Variants in SEMA5A observed in about 807,000 individuals in gnomAD.
SEMA5A encodes the protein semaphorin 5A, also known as semaphorin-5A.
In SEMA5A, 55 loss-of-function variants were observed where a neutral mutation model predicts 135.5. The ratio of observed to expected loss-of-function variants is 0.41; its 90% confidence interval spans 0.33 to 0.51. SEMA5A has a LOEUF of 0.51. SEMA5A is among the 20% of genes least tolerant of loss of function. SEMA5A has a pLI of 0.37. For missense variants in SEMA5A, 1,290 were observed against 1,419.9 expected, an observed-to-expected ratio of 0.91 and a Z score of 1.47; for synonymous variants, 580 against 546.5, an observed-to-expected ratio of 1.06 and a Z score of -0.85.
chr5:9,171,662 T>G (rs1476176960), intron 11 of SEMA5A, among the ~76,000 whole-genome samples: 2 of 152,134 alleles, frequency 1.3e-5, no homozygotes, highest in Non-Finnish European at 1.5e-5. Context: ...AGGAAAATCA[T>G]GAGTCTTAAC....
intron 16 of SEMA5A, among the ~76,000 whole-genome samples, chr5:9,086,408 G>C (rs1397367181): frequency 6.6e-6 from 1 of 152,034 alleles, no homozygotes; most frequent in Non-Finnish European, 1.5e-5. Context: ...TTTTTCCTGT[G>C]CTGTTCTCAT....
intron 18 of SEMA5A, among the ~76,000 whole-genome samples, chr5:9,057,667 C>T (rs1313684001): frequency 6.6e-6 from 1 of 152,234 alleles, no homozygotes; most frequent in Non-Finnish European, 1.5e-5. Context: ...CAAGATCACA[C>T]TCTACCTCTA....
At chr5:9,536,834 C>A (rs1170643163) in intron 1 of SEMA5A, among the ~76,000 whole-genome samples, 2 of 152,176 alleles carry the variant, frequency 1.3e-5, no homozygotes, top group Non-Finnish European at 2.9e-5. Flanking sequence ...AATGAAGTTT[C>A]TCTTCACTGA....
intron 2 of SEMA5A, among the ~76,000 whole-genome samples, chr5:9,433,507 T>C (rs2126661793): frequency 6.6e-6 from 1 of 151,802 alleles, no homozygotes; most frequent in Admixed American, 6.6e-5. Flanking sequence ...AAATGTTGAG[T>C]CTCTATAGCT....
At chr5:9,351,491 A>G (rs1413161603) in intron 3 of SEMA5A, among the ~76,000 whole-genome samples, 2 of 151,878 alleles carry the variant, frequency 1.3e-5, no homozygotes, top group African/African-American at 2.4e-5. Flanking sequence ...AAATTAACAT[A>G]AGAAGTTTAT....
chr5:9,363,005 A>C (rs1754763828), intron 3 of SEMA5A, among the ~76,000 whole-genome samples: 1 of 152,194 alleles, frequency 6.6e-6, no homozygotes, highest in African/African-American at 2.4e-5. Context: ...CTTACTTTTT[A>C]CTTTTGAGTT....
At chr5:9,407,941 G>A (rs1200896195) in intron 2 of SEMA5A, among the ~76,000 whole-genome samples, 3 of 150,278 alleles carry the variant, frequency 2.0e-5, no homozygotes, top group Non-Finnish European at 4.4e-5. Flanking sequence ...CATCATCATT[G>A]TCAACACCAC....
intron 16 of SEMA5A, among the ~76,000 whole-genome samples, chr5:9,077,729 C>T (rs368305488): frequency 3.3e-5 from 5 of 152,144 alleles, no homozygotes; most frequent in South Asian, 2.1e-4. Flanking sequence ...CTCACTGGCT[C>T]GAAGTGGGGA....
intron 2 of SEMA5A, among the ~76,000 whole-genome samples, chr5:9,412,145 A>G (rs1757121186): frequency 6.6e-6 from 1 of 152,090 alleles, no homozygotes; most frequent in Non-Finnish European, 1.5e-5. Flanking sequence ...AGCTAAATCC[A>G]TGCAAAGTGT....
At chr5:9,207,849 G>C (rs904060196) in intron 8 of SEMA5A, among the ~76,000 whole-genome samples, 2 of 148,462 alleles carry the variant, frequency 1.3e-5, no homozygotes, top group African/African-American at 5.0e-5. Context: ...AAAGACAGAT[G>C]ATGATAGATA....
At chr5:9,304,926 C>G (rs1042616480) in intron 5 of SEMA5A, among the ~76,000 whole-genome samples, 3 of 152,080 alleles carry the variant, frequency 2.0e-5, no homozygotes, top group Non-Finnish European at 4.4e-5. Context: ...TTTTGTCCCC[C>G]ACACCGAAAT....
rs1255214718 is a variant in SEMA5A, at chr5:9,192,283, C to T, written c.1069-1812G>A. Among the ~76,000 whole-genome samples, 4 of 152,370 alleles carry T rather than the reference C, an allele frequency of 2.6e-5. No homozygotes were observed. The South Asian group carries it at 6.2e-4, about 24-fold the overall frequency. On this transcript the variant is annotated intron_variant, in intron 10 of 22. Coordinates refer to ENST00000382496, the MANE Select transcript of SEMA5A (RefSeq NM_003966.3). Reference sequence around the variant, plus strand: ...CTCAGTCTCTGTCTCTTTACCTGTCCGGTGGCTAGGAAAATAGTTACCCTG... The same window carrying T: ...CTCAGTCTCTGTCTCTTTACCTGTCTGGTGGCTAGGAAAATAGTTACCCTG...
intron 11 of SEMA5A, among the ~76,000 whole-genome samples, chr5:9,161,376 C>T (rs1449326728): frequency 6.6e-6 from 1 of 151,782 alleles, no homozygotes. Context: ...ACATCAGACT[C>T]CACAAAAGTA....
chr5:9,377,678 A>G (rs1382483957), intron 3 of SEMA5A, among the ~76,000 whole-genome samples: 1 of 152,218 alleles, frequency 6.6e-6, no homozygotes, highest in African/African-American at 2.4e-5. Flanking sequence ...TGGTCAGCAG[A>G]GACTTGAGAT....
At chr5:9,068,641 T>C (rs1265661960) in intron 16 of SEMA5A, among the ~76,000 whole-genome samples, 1 of 152,104 alleles carries the variant, frequency 6.6e-6, no homozygotes, top group Admixed American at 6.5e-5. Flanking sequence ...GAGAGAGGTA[T>C]GGAGGTCTGA....
intron 5 of SEMA5A, among the ~76,000 whole-genome samples, chr5:9,283,984 A>G (rs1037638043): frequency 6.6e-5 from 10 of 151,702 alleles, no homozygotes; most frequent in African/African-American, 2.4e-4. Context: ...ACTAAAAAAT[A>G]GATAGATAGA....
chr5:9,313,287 G>GGA (rs1752227424), intron 5 of SEMA5A, among the ~76,000 whole-genome samples: 1 of 152,152 alleles, frequency 6.6e-6, no homozygotes, highest in Admixed American at 6.6e-5. Context: ...ATATCAGTCA[G>GGA]GAGTTGCCTG....
At chr5:9,460,816 CCTTA>C (rs752084395) in intron 1 of SEMA5A, among the ~76,000 whole-genome samples, 2 of 152,036 alleles carry the variant, frequency 1.3e-5, no homozygotes, top group Non-Finnish European at 2.9e-5. Context: ...CCATGTATTC[CCTTA>C]CTAAGAAGCA....
chr5:9,363,076 A>G (rs1754766201), intron 3 of SEMA5A, among the ~76,000 whole-genome samples: 1 of 152,234 alleles, frequency 6.6e-6, no homozygotes, highest in Non-Finnish European at 1.5e-5. Flanking sequence ...TCTAAAGTAC[A>G]TTTCAAAAAA....
Sources: allele counts gnomAD v4.1 joint callset (sites outside exome capture counted in the v4.1 genomes callset), GRCh38; gene constraint gnomAD v4.1.1; transcripts MANE v1.5; gene names NCBI Gene and HGNC (gene_info 2026-07-23, HGNC 2026-07-21).